Variants in TRAPPC8 observed in about 807,000 individuals in gnomAD.
TRAPPC8 encodes the protein trafficking protein particle complex subunit 8.
In TRAPPC8, 54 loss-of-function variants were observed where a neutral mutation model predicts 174.3. The ratio of observed to expected loss-of-function variants is 0.31; its 90% confidence interval spans 0.25 to 0.39. The LOEUF is 0.39. Ranked by LOEUF, TRAPPC8 falls within the 10% of genes least tolerant of loss-of-function variation. The pLI is 1.00. For synonymous variants in TRAPPC8, 630 were observed against 579.9 expected (o/e 1.09, Z -1.24); for missense variants, 1,531 against 1,699.1 (o/e 0.90, Z 1.74).
intron 13 of TRAPPC8, 130 bp from the exon 14 acceptor site, chr18:31,873,668 T>G: frequency 1.7e-6 from 1 of 589,352 alleles, no homozygotes. Flanking sequence ...TAATTACTAG[T>G]TTTATTTCTC....
chr18:31,889,052 T>C (rs965817521), intron 12 of TRAPPC8, among the ~76,000 whole-genome samples: 3 of 152,168 alleles, frequency 2.0e-5, no homozygotes, highest in African/African-American at 7.2e-5. Context: ...ATATATATTG[T>C]ATTGGCTTAT....
At chr18:31,837,987 A>G (rs976331847) in intron 27 of TRAPPC8, among the ~76,000 whole-genome samples, 3 of 141,654 alleles carry the variant, frequency 2.1e-5, no homozygotes, top group Admixed American at 7.0e-5. Context: ...AAAAAAAAAG[A>G]GAGACAGGGT....
intron 12 of TRAPPC8, among the ~76,000 whole-genome samples, chr18:31,886,345 G>GAA (rs397858057): frequency 8.4e-4 from 20 of 23,718 alleles, no homozygotes; most frequent in Non-Finnish European, 1.6e-3. Context: ...GTTTCTTGAG[G>GAA]AAAAAAAAAA....
At position 31,874,675 on chromosome 18, in the gene TRAPPC8, T is replaced by C. The variant is rs74964641; in HGVS notation, c.1758A>G (p.Gln586=). ...QKKHALRCYC[Q]AMQVYKGKGW... ...CTTTTCCTTTGTAAACTTGCATGGC[T>C]TGACAATAACAGCGTAAAGCATGCT... is the stretch of plus-strand genomic sequence containing the variant. The change falls in exon 13 of 29, where the codon CAA becomes CAG. Residue 586 remains glutamine, a synonymous_variant. Transcript: ENST00000283351. 68 of 1,613,948 alleles carry C rather than the reference T, an allele frequency of 4.2e-5. No individual in the cohort carries two copies. The African/African-American group carries it at 8.4e-4, about 20-fold the overall frequency.
In TRAPPC8 at chr18:31,830,804, G is replaced by C; in HGVS notation, c.4259C>G (p.Thr1420Arg). Reference sequence around the variant, plus strand: ...GGCAGGCATGGAATTCTGCTGACTTGTTTCAAACACTGTAACTTGGTCCGA... The same window carrying C: ...GGCAGGCATGGAATTCTGCTGACTTCTTTCAAACACTGTAACTTGGTCCGA... Reference protein sequence around the residue: ...KLSDQVTVFETSQQNSMPALI... With the variant: ...KLSDQVTVFERSQQNSMPALI... Residue 1420 changes from threonine (T) to arginine (R), a missense_variant, in exon 29 of 29, where the codon ACA becomes AGA. By Grantham distance (71) the Thr-to-Arg change is moderately conservative. Transcript: ENST00000283351. 6.2e-7 allele frequency: 1 copy of C among 1,614,196 alleles called. No homozygotes were observed. Among genetic ancestry groups the C allele is most frequent in the African/African-American group, 1.3e-5 (1 of 75,054 alleles).
At position 31,900,985 on chromosome 18, in the gene TRAPPC8, G is replaced by A. The variant is rs2036397294; in HGVS notation, c.1430C>T (p.Pro477Leu). 6.3e-7 allele frequency: 1 copy of A among 1,587,430 alleles called. No individual in the cohort carries two copies. Among genetic ancestry groups the A allele is most frequent in the Non-Finnish European group, 8.5e-7 (1 of 1,172,640 alleles). ...AVSAFLQPGA[P>L]RPYPAHYMDT... ...CATGTAATGAGCAGGATATGGCCTA[G>A]GTGCTCCTGGTTGAAGAAAAGCAGA... Residue 477 changes from proline to leucine, a missense_variant, in exon 10 of 29, where the codon CCT becomes CTT. Physicochemically the swap from Pro to Leu is moderately conservative, Grantham distance 98 (BLOSUM62 -3). Transcript: ENST00000283351.
intron 9 of TRAPPC8, among the ~76,000 whole-genome samples, chr18:31,902,847 A>G (rs187380675): frequency 6.6e-6 from 1 of 152,024 alleles, no homozygotes; most frequent in South Asian, 2.1e-4. Context: ...CAGGATATCG[A>G]GACCATCCTG....
intron 26 of TRAPPC8, among the ~76,000 whole-genome samples, chr18:31,840,505 C>T (rs2033033182): frequency 6.6e-6 from 1 of 152,062 alleles, no homozygotes; most frequent in African/African-American, 2.4e-5. Flanking sequence ...TCCCTCACCA[C>T]CCAGGAGAAT....
intron 18 of TRAPPC8, among the ~76,000 whole-genome samples, chr18:31,865,701 GATCCT>G (rs2034553570): frequency 6.6e-6 from 1 of 151,530 alleles, no homozygotes; most frequent in Non-Finnish European, 1.5e-5. Context: ...ACTAGATTAA[GATCCT>G]AGTTACATAC....
At chr18:31,934,723 C>G (rs1400105770) in intron 1 of TRAPPC8, among the ~76,000 whole-genome samples, 1 of 151,708 alleles carries the variant, frequency 6.6e-6, no homozygotes, top group African/African-American at 2.4e-5. Flanking sequence ...CAAAATTAGC[C>G]GGGCATGGTG....
In TRAPPC8 at chr18:31,857,764, A is replaced by G. The variant is rs1239616454; in HGVS notation, c.2964T>C (p.Ala988=). Residue 988 remains alanine (A), a synonymous_variant, in exon 20 of 29, where the codon GCT becomes GCC. Coordinates refer to ENST00000283351, the MANE Select transcript of TRAPPC8 (RefSeq NM_014939.5). ...ATATGAGTGCTGTACACACAGAGGT[A>G]GCATCTGTCACAACAGTCTTGTAAG... ...CSAYKTVVTD[A]TSVCTALISS... is the part of the protein sequence containing the mutation. The G allele has an allele frequency of 1.2e-6, 2 of 1,614,032 alleles. No individual in the cohort carries two copies. The highest frequency in any genetic ancestry group is 1.7e-6 in the Non-Finnish European group (2 of 1,180,000).
At chr18:31,834,595 A>G (rs967211695) in intron 27 of TRAPPC8, among the ~76,000 whole-genome samples, 2 of 152,246 alleles carry the variant, frequency 1.3e-5, no homozygotes, top group Non-Finnish European at 2.9e-5. Flanking sequence ...TGTAAACTGC[A>G]AAGAATAATA....
chr18:31,931,057 TATA>T (rs1393570874), intron 2 of TRAPPC8, among the ~76,000 whole-genome samples: 2 of 152,190 alleles, frequency 1.3e-5, no homozygotes, highest in Admixed American at 1.3e-4. Context: ...CTTATTTAAT[TATA>T]ATATTACTTA....
chr18:31,841,490 A>G (rs2144977610), intron 26 of TRAPPC8, among the ~76,000 whole-genome samples: 1 of 152,272 alleles, frequency 6.6e-6, no homozygotes, highest in Admixed American at 6.5e-5. Flanking sequence ...ATGTAGGTGG[A>G]AGTATTTTTG....
intron 5 of TRAPPC8, among the ~76,000 whole-genome samples, chr18:31,911,134 C>T (rs969160253): frequency 3.9e-5 from 6 of 152,318 alleles, no homozygotes; most frequent in African/African-American, 1.4e-4. Context: ...TCAAAAATTA[C>T]ATAAGCTTTG....
At position 31,884,994 on chromosome 18, in the gene TRAPPC8, T is replaced by C. The variant is rs537004748; in HGVS notation, c.1728+5741A>G. ...TCAGCCTCCCGAGTAGCTGGGACTATAGGCACCCGCCACCACGCCCGGCTA... is the reference window on the plus strand; with the variant it reads ...TCAGCCTCCCGAGTAGCTGGGACTACAGGCACCCGCCACCACGCCCGGCTA... On this transcript the variant is annotated intron_variant, in intron 12 of 28. Transcript: ENST00000283351. Among the ~76,000 whole-genome samples, 159 of 151,782 alleles carry C rather than the reference T, an allele frequency of 1.0e-3. 1 individual carries two copies. Among genetic ancestry groups the C allele is most frequent in the African/African-American group, 3.7e-3 (155 of 41,362 alleles).
intron 26 of TRAPPC8, among the ~76,000 whole-genome samples, chr18:31,841,266 A>G (rs1044149772): frequency 1.3e-5 from 2 of 152,124 alleles, no homozygotes; most frequent in African/African-American, 4.8e-5. Flanking sequence ...TTGCTTTCTC[A>G]TTTGTATATT....
In TRAPPC8 at chr18:31,830,923, A is replaced by C. The variant is rs755650456; in HGVS notation, c.4140T>G (p.Leu1380=). ...WLGQTQYKLQ[L]KSQEIHSLQL... ...GCAGACTGTGAATCTCCTGGCTTTTAAGTTGAAGTTTATACTGTGTTTGTC... is the reference window on the plus strand; with the variant it reads ...GCAGACTGTGAATCTCCTGGCTTTTCAGTTGAAGTTTATACTGTGTTTGTC... The change falls in exon 29 of 29, where the codon CTT becomes CTG. Residue 1380 remains leucine, a synonymous_variant. Transcript: ENST00000283351. 2 of 1,614,076 alleles carry C rather than the reference A, an allele frequency of 1.2e-6. No individual in the cohort carries two copies. Among genetic ancestry groups the C allele is most frequent in the Non-Finnish European group, 1.7e-6 (2 of 1,180,040 alleles).
intron 11 of TRAPPC8, among the ~76,000 whole-genome samples, chr18:31,897,577 G>A (rs977808947): frequency 2.0e-5 from 3 of 151,818 alleles, no homozygotes; most frequent in Non-Finnish European, 2.9e-5. Context: ...ATGAAATGTA[G>A]GCTTAAAATA....
Sources: gnomAD v4.1 joint callset for allele counts (sites outside exome capture counted in the v4.1 genomes callset) on GRCh38, gnomAD v4.1.1 for gene constraint, MANE v1.5 for transcripts, NCBI Gene and HGNC (gene_info 2026-07-23, HGNC 2026-07-21) for gene names.